Variants in ADAMTS17 observed in about 807,000 individuals in gnomAD.
The protein encoded by ADAMTS17 is A disintegrin and metalloproteinase with thrombospondin motifs 17.
In ADAMTS17, 113 loss-of-function variants were observed where a neutral mutation model predicts 141.5. That is an observed-to-expected ratio of 0.80 (90% CI 0.69 to 0.93). The LOEUF (loss-of-function observed/expected upper bound fraction) is 0.93. Ranked by LOEUF, ADAMTS17 falls within the 40% of genes least tolerant of loss-of-function variation. The pLI is 0.00. For synonymous variants in ADAMTS17, 768 were observed against 630.6 expected (o/e 1.22, Z -3.27); for missense variants, 1,659 against 1,517.9 (o/e 1.09, Z -1.54).
At chr15:99,977,400 AATTTTTTTTTTTTTTT>A (rs2060383994) in intron 20 of ADAMTS17, among the ~76,000 whole-genome samples, 3 of 4,754 alleles carry the variant, frequency 6.3e-4, no homozygotes, top group African/African-American at 1.9e-3. Context: ...ATATATATAT[AATTTTTTTTTTTTTTT>A]TTTTTTTTTT....
At chr15:100,285,390 A>G (rs1273886859) in intron 3 of ADAMTS17, among the ~76,000 whole-genome samples, 1 of 152,232 alleles carries the variant, frequency 6.6e-6, no homozygotes, top group Non-Finnish European at 1.5e-5. Context: ...AACAACAACT[A>G]TCTCAACTGT....
intron 15 of ADAMTS17, among the ~76,000 whole-genome samples, chr15:100,091,530 G>A (rs2035470587): frequency 6.6e-6 from 1 of 152,198 alleles, no homozygotes; most frequent in Non-Finnish European, 1.5e-5. Context: ...AAGTGATGTT[G>A]ACCTTTAACC....
intron 3 of ADAMTS17, among the ~76,000 whole-genome samples, chr15:100,293,784 T>C (rs1187855276): frequency 6.6e-6 from 1 of 152,228 alleles, no homozygotes; most frequent in Admixed American, 6.5e-5. Flanking sequence ...CACCTAGCAC[T>C]GTGTGGTTTA....
At chr15:100,255,609 T>C (rs2043298852) in intron 6 of ADAMTS17, among the ~76,000 whole-genome samples, 1 of 28,188 alleles carries the variant, frequency 3.5e-5, no homozygotes, top group South Asian at 1.4e-3. Context: ...AATTCTCGTG[T>C]TTTGAGCAAC....
At chr15:100,272,989 T>C (rs998455939) in intron 4 of ADAMTS17, among the ~76,000 whole-genome samples, 2 of 151,654 alleles carry the variant, frequency 1.3e-5, no homozygotes, top group Non-Finnish European at 3.0e-5. Context: ...AGTATATCAC[T>C]TTTTTTATTG....
chr15:100,030,424 T>C (rs58250141), intron 18 of ADAMTS17, among the ~76,000 whole-genome samples: 8,933 of 152,206 alleles, frequency 0.059, 833 homozygotes, highest in African/African-American at 0.2. Context: ...GGAACCAGCC[T>C]TTCACATCCA....
intron 15 of ADAMTS17, among the ~76,000 whole-genome samples, chr15:100,064,882 T>C (rs2033402087): frequency 6.6e-6 from 1 of 152,186 alleles, no homozygotes; most frequent in Non-Finnish European, 1.5e-5. Flanking sequence ...TAGACAAGCG[T>C]ATTAGGCGTT....
chr15:99,990,594 C>G (rs1294798267), intron 20 of ADAMTS17, among the ~76,000 whole-genome samples: 2 of 151,038 alleles, frequency 1.3e-5, no homozygotes, highest in Non-Finnish European at 2.9e-5. Context: ...TACCTTAGCA[C>G]TACCAGGCAA....
intron 3 of ADAMTS17, among the ~76,000 whole-genome samples, chr15:100,302,411 T>C (rs2141821391): frequency 6.6e-6 from 1 of 152,356 alleles, no homozygotes; most frequent in East Asian, 1.9e-4. Flanking sequence ...TTTTAATTTC[T>C]TTTGGATATG....
chr15:100,325,278 T>C (rs545918845), intron 3 of ADAMTS17, among the ~76,000 whole-genome samples: 1 of 152,326 alleles, frequency 6.6e-6, no homozygotes, highest in African/African-American at 2.4e-5. Context: ...GCCAGATTCC[T>C]ATGTTGAAGT....
At chr15:100,309,273 G>C (rs1348148926) in intron 3 of ADAMTS17, among the ~76,000 whole-genome samples, 1 of 152,240 alleles carries the variant, frequency 6.6e-6, no homozygotes, top group Non-Finnish European at 1.5e-5. Flanking sequence ...GAGTGTGGGA[G>C]GATCGCTCGA....
chr15:100,204,142 C>T (rs1293099656), intron 7 of ADAMTS17, among the ~76,000 whole-genome samples: 3 of 152,154 alleles, frequency 2.0e-5, no homozygotes, highest in Non-Finnish European at 2.9e-5. Context: ...ATGATAGAAG[C>T]TCATAACTCT....
At chr15:100,062,124 G>C (rs1023443297) in intron 15 of ADAMTS17, among the ~76,000 whole-genome samples, 1 of 152,214 alleles carries the variant, frequency 6.6e-6, no homozygotes, top group East Asian at 1.9e-4. Context: ...GTGACAGCTG[G>C]GACAGCTGAG....
intron 7 of ADAMTS17, among the ~76,000 whole-genome samples, chr15:100,202,306 G>A (rs536645917): frequency 2.9e-4 from 44 of 152,202 alleles, no homozygotes; most frequent in Non-Finnish European, 5.3e-4. Context: ...AGGTGCAGAT[G>A]ATTTTTTTTT....
chr15:99,991,778 T>C (rs2060695560), intron 20 of ADAMTS17, among the ~76,000 whole-genome samples: 1 of 152,060 alleles, frequency 6.6e-6, no homozygotes, highest in African/African-American at 2.4e-5. Flanking sequence ...AACCCAAATA[T>C]CCATCAATGA....
chr15:100,111,907 C>T (rs1444054160), intron 13 of ADAMTS17, among the ~76,000 whole-genome samples: 1 of 152,222 alleles, frequency 6.6e-6, no homozygotes, highest in African/African-American at 2.4e-5. Context: ...CTCTTGGCTC[C>T]AGCCTGCTTC....
Position 100,324,165 on chromosome 15 carries a change from C to T in ADAMTS17, c.616+6724G>A, listed in dbSNP as rs532085470. 7.2e-5 allele frequency among the ~76,000 whole-genome samples: 11 copies of T among 152,096 alleles called. No individual in the cohort carries two copies. The South Asian group carries it at 1.0e-3, about 14-fold the overall frequency. On this transcript the variant is annotated intron_variant, in intron 3 of 21. Coordinates refer to ENST00000268070, the MANE Select transcript of ADAMTS17 (RefSeq NM_139057.4). ...ACTAAAAGTACAGAAATCAGTCGGG[C>T]GTGCTGGTGGGCACCTGTGGTCCCA...
intron 7 of ADAMTS17, among the ~76,000 whole-genome samples, chr15:100,211,716 T>C (rs546359788): frequency 6.6e-6 from 1 of 152,308 alleles, no homozygotes; most frequent in East Asian, 1.9e-4. Context: ...ACATTTTCAA[T>C]TCCTAAAACC....
intron 8 of ADAMTS17, among the ~76,000 whole-genome samples, chr15:100,195,060 C>G (rs2041059260): frequency 6.6e-6 from 1 of 152,280 alleles, no homozygotes; most frequent in African/African-American, 2.4e-5. Context: ...TAATTACTAG[C>G]TGAACCCAAA....
Sources: gnomAD v4.1 joint callset for allele counts (sites outside exome capture counted in the v4.1 genomes callset) on GRCh38, gnomAD v4.1.1 for gene constraint, MANE v1.5 for transcripts, NCBI Gene and HGNC (gene_info 2026-07-23, HGNC 2026-07-21) for gene names.